PRLR: variants seen among roughly 807,000 people sequenced by gnomAD.
PRLR encodes the protein hPRL receptor.
A neutral mutation model predicts 40.2 loss-of-function variants in PRLR; 13 were observed. That is an observed-to-expected ratio of 0.32 (90% CI 0.21 to 0.51). The LOEUF (loss-of-function observed/expected upper bound fraction) is 0.51, where lower values mean the gene tolerates loss of function less well. Ranked by LOEUF, PRLR falls within the 20% of genes least tolerant of loss-of-function variation. The pLI is 0.97. For synonymous variants in PRLR, 269 were observed against 278.7 expected, an observed-to-expected ratio of 0.97 and a Z score of 0.35; for missense variants, 656 against 747.3, an observed-to-expected ratio of 0.88 and a Z score of 1.42.
intron 1 of PRLR, among the ~76,000 whole-genome samples, chr5:35,207,068 C>T (rs896428387): frequency 6.6e-6 from 1 of 152,024 alleles, no homozygotes; most frequent in African/African-American, 2.4e-5. Context: ...TTATTAGCTT[C>T]CACATAACAC....
intron 2 of PRLR, among the ~76,000 whole-genome samples, chr5:35,095,095 C>T (rs1461449417): frequency 6.6e-6 from 1 of 152,142 alleles, no homozygotes; most frequent in Non-Finnish European, 1.5e-5. Context: ...TCCCAAAGGT[C>T]TGTGATTACA....
chr5:35,161,923 T>C (rs1774686206), intron 1 of PRLR, among the ~76,000 whole-genome samples: 1 of 152,238 alleles, frequency 6.6e-6, no homozygotes, highest in Non-Finnish European at 1.5e-5. Flanking sequence ...TCCAAAAGTC[T>C]TGTGAGACAG....
chr5:35,192,821 CT>C (rs1469792937), intron 1 of PRLR, among the ~76,000 whole-genome samples: 1 of 152,186 alleles, frequency 6.6e-6, no homozygotes, highest in African/African-American at 2.4e-5. Context: ...AGGAATTCTG[CT>C]TTTATTTGGG....
At chr5:35,224,837 C>CT (rs1319124703) in intron 1 of PRLR, among the ~76,000 whole-genome samples, 3 of 151,904 alleles carry the variant, frequency 2.0e-5, no homozygotes, top group Admixed American at 6.6e-5. Flanking sequence ...TCTGACTGCT[C>CT]TTTTTTTTGA....
At chr5:35,187,234 T>A (rs1361859742) in intron 1 of PRLR, among the ~76,000 whole-genome samples, 7 of 151,780 alleles carry the variant, frequency 4.6e-5, no homozygotes, top group Non-Finnish European at 1.0e-4. Flanking sequence ...AACCCCATCT[T>A]TACTAAAAAT....
At chr5:35,117,610 G>A (rs1014155210) in intron 2 of PRLR, among the ~76,000 whole-genome samples, 2 of 152,218 alleles carry the variant, frequency 1.3e-5, no homozygotes, top group African/African-American at 4.8e-5. Context: ...TGAGGGCTGG[G>A]AGGAAGGAGA....
Position 35,212,466 on chromosome 5 carries a change from A to G in PRLR, c.-106+17802T>C, listed in dbSNP as rs528852303. Among the ~76,000 whole-genome samples, 83 of 152,356 alleles carry G rather than the reference A, an allele frequency of 5.4e-4. 1 individual carries two copies. Among genetic ancestry groups the G allele is most frequent in the African/African-American group, 1.9e-3 (79 of 41,592 alleles). On this transcript the variant is annotated intron_variant, in intron 1 of 9. Coordinates refer to ENST00000618457, the MANE Select transcript of PRLR (RefSeq NM_000949.7). The stretch of plus-strand genomic sequence containing the variant: ...GTCTGGGGCTTCTGATTTTTAGAAC[A>G]TAATACCATACTTTCCTGTACACCA...
chr5:35,090,911 C>T (rs759677014), intron 2 of PRLR, among the ~76,000 whole-genome samples: 4 of 147,562 alleles, frequency 2.7e-5, no homozygotes, highest in South Asian at 2.2e-4. Context: ...ACTGGATTCA[C>T]GCCATTCTCC....
Position 35,057,312 on chromosome 5 carries a change from C to G in PRLR, c.*7777G>C, listed in dbSNP as rs1768780664. On this transcript the variant is annotated 3_prime_UTR_variant, in exon 10 of 10. Coordinates refer to ENST00000618457, the MANE Select transcript of PRLR (RefSeq NM_000949.7). ...CATAAACAATGTCCTGATTATAGATCTTTTGGTAACAAGAAATGTCCAAAA... is the reference window on the plus strand; with the variant it reads ...CATAAACAATGTCCTGATTATAGATGTTTTGGTAACAAGAAATGTCCAAAA... The G allele has an allele frequency of 6.6e-6, 1 of 152,014 alleles. No homozygotes were observed. The highest frequency in any genetic ancestry group is 2.4e-5 in the African/African-American group (1 of 41,386). The allele number at this position is 152,014 out of a possible 1,614,324, so 9.4% of individuals were successfully genotyped here.
At chr5:35,128,529 AAT>A (rs1418625982) in intron 1 of PRLR, among the ~76,000 whole-genome samples, 1 of 151,678 alleles carries the variant, frequency 6.6e-6, no homozygotes, top group African/African-American at 2.4e-5. Flanking sequence ...TTTTTTTCAG[AAT>A]ATGTTTTATC....
At chr5:35,100,016 A>G (rs1771773869) in intron 2 of PRLR, among the ~76,000 whole-genome samples, 1 of 151,864 alleles carries the variant, frequency 6.6e-6, no homozygotes, top group South Asian at 2.1e-4. Context: ...CTCTACTAAA[A>G]CTACAAAAAA....
At chr5:35,091,715 G>T (rs896087921) in intron 2 of PRLR, among the ~76,000 whole-genome samples, 4 of 152,162 alleles carry the variant, frequency 2.6e-5, no homozygotes, top group African/African-American at 9.7e-5. Context: ...GCCGAGAGAG[G>T]CCTTCTCAGC....
At chr5:35,105,513 A>C (rs1441842034) in intron 2 of PRLR, among the ~76,000 whole-genome samples, 2 of 152,222 alleles carry the variant, frequency 1.3e-5, no homozygotes, top group African/African-American at 4.8e-5. Flanking sequence ...TAGAATAAAC[A>C]GTGTATAGAG....
intron 1 of PRLR, among the ~76,000 whole-genome samples, chr5:35,225,680 T>G (rs1776529291): frequency 6.6e-6 from 1 of 152,188 alleles, no homozygotes; most frequent in African/African-American, 2.4e-5. Flanking sequence ...GACAGTTTAC[T>G]TTTGTTTTTG....
At chr5:35,102,491 C>G (rs1333430935) in intron 2 of PRLR, among the ~76,000 whole-genome samples, 1 of 127,376 alleles carries the variant, frequency 7.9e-6, no homozygotes, top group African/African-American at 3.7e-5. Flanking sequence ...GTCCCGTCTC[C>G]TCTCCACTCC....
At chr5:35,107,320 G>C (rs1772326474) in intron 2 of PRLR, among the ~76,000 whole-genome samples, 1 of 152,120 alleles carries the variant, frequency 6.6e-6, no homozygotes, top group African/African-American at 2.4e-5. Flanking sequence ...AGAAGAACTA[G>C]AGAAGCAAGA....
At chr5:35,214,625 C>G (rs1776243013) in intron 1 of PRLR, among the ~76,000 whole-genome samples, 1 of 152,166 alleles carries the variant, frequency 6.6e-6, no homozygotes, top group African/African-American at 2.4e-5. Context: ...GTGGTACAGG[C>G]TTGAAGCAAA....
At chr5:35,066,260 A>G (rs1408988699) in intron 9 of PRLR, among the ~76,000 whole-genome samples, 158 bp from the exon 10 acceptor site, 3 of 151,688 alleles carry the variant, frequency 2.0e-5, no homozygotes, top group African/African-American at 7.3e-5. Flanking sequence ...CCTTCTGGAT[A>G]CTATTCAGCA....
chr5:35,212,999 C>T (rs1393420325), intron 1 of PRLR, among the ~76,000 whole-genome samples: 1 of 152,208 alleles, frequency 6.6e-6, no homozygotes, highest in Non-Finnish European at 1.5e-5. Context: ...GTCTCAACAG[C>T]AGCTGCCTGC....
Sources: gnomAD v4.1 joint callset for allele counts (sites outside exome capture counted in the v4.1 genomes callset) on GRCh38, gnomAD v4.1.1 for gene constraint, MANE v1.5 for transcripts, NCBI Gene and HGNC (gene_info 2026-07-23, HGNC 2026-07-21) for gene names.